The following ADGRL2 variants were observed in gnomAD, a reference collection of about 807,000 sequenced individuals.
ADGRL2 encodes calcium-independent alpha-latrotoxin receptor 2.
In ADGRL2, 44 loss-of-function variants were observed where a neutral mutation model predicts 157.4. The observed-to-expected ratio is 0.28, with a 90% CI of 0.22 to 0.36. The LOEUF (loss-of-function observed/expected upper bound fraction) is 0.36. Among genes scored for constraint, ADGRL2 ranks in the 10% least tolerant of loss-of-function variants. The probability of loss-of-function intolerance (pLI) is 1.00; values close to 1 mark genes in which losing one functional copy is unlikely to be tolerated. For missense variants in ADGRL2, 1,510 were observed against 1,768.9 expected (o/e 0.85, Z 2.63); for synonymous variants, 585 against 624.7 (o/e 0.94, Z 0.95).
intron 3 of ADGRL2, among the ~76,000 whole-genome samples, chr1:81,692,305 A>AAAAT (rs781277581): frequency 3.3e-5 from 5 of 152,130 alleles, no homozygotes; most frequent in South Asian, 2.1e-4. Context: ...TCTGTCTCAA[A>AAAAT]AAATAAATAA....
At chr1:81,397,109 C>G (rs892992045) in intron 1 of ADGRL2, among the ~76,000 whole-genome samples, 7 of 151,982 alleles carry the variant, frequency 4.6e-5, no homozygotes, top group Non-Finnish European at 1.0e-4. Flanking sequence ...AGGTCCTGTA[C>G]TTTTATTTTT....
intron 2 of ADGRL2, among the ~76,000 whole-genome samples, chr1:81,868,294 C>T (rs991334920): frequency 6.6e-6 from 1 of 152,096 alleles, no homozygotes; most frequent in Non-Finnish European, 1.5e-5. Flanking sequence ...GTATGTTCTA[C>T]AAAGGTGGTT....
In ADGRL2 at chr1:81,944,144, T is replaced by TGTTA. The variant is rs1648999136; in HGVS notation, c.1210+377_1210+380dup. Among the ~76,000 whole-genome samples, 3 of 152,164 alleles carry TGTTA rather than the reference T, an allele frequency of 2.0e-5. No homozygotes were observed. In the South Asian group the frequency reaches 6.2e-4, roughly 32 times the overall value. On this transcript the variant is annotated intron_variant, in intron 6 of 23. Transcript: ENST00000686636. The stretch of plus-strand genomic sequence containing the variant: ...GGCGCCAGTGGTTAAAGGAAACGTG[T>TGTTA]GTTAGGAAGTCCCAGGAGAATGGCT...
intron 1 of ADGRL2, among the ~76,000 whole-genome samples, chr1:81,406,965 T>G (rs1401372930): frequency 1.3e-5 from 2 of 152,200 alleles, no homozygotes; most frequent in Admixed American, 6.5e-5. Flanking sequence ...ATTTTTTTAT[T>G]TATTTGTTAT....
chr1:81,904,083 TTA>T (rs1212919973), intron 2 of ADGRL2, among the ~76,000 whole-genome samples: 2 of 152,128 alleles, frequency 1.3e-5, no homozygotes, highest in East Asian at 1.9e-4. Context: ...ACATTGCAAT[TTA>T]TGTTGTGTTA....
intron 3 of ADGRL2, among the ~76,000 whole-genome samples, chr1:81,910,510 T>C (rs913879307): frequency 6.6e-6 from 1 of 151,938 alleles, no homozygotes; most frequent in Admixed American, 6.6e-5. Flanking sequence ...TAAAGCTATA[T>C]AAATGATACC....
intron 1 of ADGRL2, among the ~76,000 whole-genome samples, chr1:81,400,748 A>T (rs926830783): frequency 2.2e-4 from 33 of 152,056 alleles, no homozygotes; most frequent in Non-Finnish European, 3.5e-4. Flanking sequence ...GGAGACAGGG[A>T]GCACCACAGC....
At chr1:81,485,628 A>G (rs943523498) in intron 2 of ADGRL2, among the ~76,000 whole-genome samples, 2 of 152,194 alleles carry the variant, frequency 1.3e-5, no homozygotes, top group Admixed American at 6.5e-5. Flanking sequence ...CCGTAGTGAA[A>G]TAATCAGTGC....
chr1:81,971,753 A>G (rs1658820066), intron 16 of ADGRL2, 99 bp from the exon 17 acceptor site: 3 of 630,010 alleles, frequency 4.8e-6, no homozygotes, highest in Non-Finnish European at 8.5e-6. Flanking sequence ...GGCAAATGTA[A>G]AGATAGTTTT....
intron 1 of ADGRL2, among the ~76,000 whole-genome samples, chr1:81,706,679 G>C (rs1297056276): frequency 6.6e-6 from 1 of 152,164 alleles, no homozygotes; most frequent in Non-Finnish European, 1.5e-5. Flanking sequence ...AAAGAGGAAA[G>C]AGACAGAAGT....
At chr1:81,787,227 C>T (rs1345380779) in intron 2 of ADGRL2, among the ~76,000 whole-genome samples, 2 of 152,088 alleles carry the variant, frequency 1.3e-5, no homozygotes, top group African/African-American at 4.8e-5. Context: ...TGAAAACAGA[C>T]TAATGCAGTC....
intron 17 of ADGRL2, among the ~76,000 whole-genome samples, chr1:81,972,648 C>A (rs913307114): frequency 6.6e-6 from 1 of 152,058 alleles, no homozygotes; most frequent in Admixed American, 6.6e-5. Context: ...TGGTGGCTCA[C>A]ACCTATAATC....
intron 1 of ADGRL2, among the ~76,000 whole-genome samples, chr1:81,351,406 C>T (rs1043992010): frequency 1.3e-5 from 2 of 151,912 alleles, no homozygotes; most frequent in African/African-American, 4.8e-5. Flanking sequence ...ACTTCCCACC[C>T]CGTGATGAAA....
At chr1:81,980,463 A>C (rs566625267) in intron 18 of ADGRL2, among the ~76,000 whole-genome samples, 1 of 151,894 alleles carries the variant, frequency 6.6e-6, no homozygotes, top group East Asian at 1.9e-4. Context: ...CTGTCAATGG[A>C]GAAAATGCTA....
At chr1:81,713,490 T>C (rs1370998836) in intron 1 of ADGRL2, among the ~76,000 whole-genome samples, 1 of 152,172 alleles carries the variant, frequency 6.6e-6, no homozygotes, top group Non-Finnish European at 1.5e-5. Flanking sequence ...TGGCCAATGA[T>C]AGTGATGATG....
intron 2 of ADGRL2, among the ~76,000 whole-genome samples, chr1:81,563,268 T>C (rs2080485087): frequency 6.6e-6 from 1 of 152,172 alleles, no homozygotes; most frequent in African/African-American, 2.4e-5. Context: ...ACTTAGATTA[T>C]TTTTGTGTCT....
At chr1:81,409,890 A>T (rs2076919291) in intron 1 of ADGRL2, among the ~76,000 whole-genome samples, 2 of 152,204 alleles carry the variant, frequency 1.3e-5, no homozygotes, top group African/African-American at 2.4e-5. Flanking sequence ...CTGCCCTTTT[A>T]GCCCCTGCCT....
chr1:81,807,315 C>T (rs2089288310), intron 1 of ADGRL2, among the ~76,000 whole-genome samples: 1 of 151,918 alleles, frequency 6.6e-6, no homozygotes. Flanking sequence ...AAATCATAGG[C>T]TAGTTTACTT....
At chr1:81,459,715 CAT>C (rs926330664) in intron 2 of ADGRL2, among the ~76,000 whole-genome samples, 42 of 151,428 alleles carry the variant, frequency 2.8e-4, no homozygotes, top group African/African-American at 8.5e-4. Context: ...CACACACACA[CAT>C]ATACACACAC....
Sources: gnomAD v4.1 joint callset for allele counts (sites outside exome capture counted in the v4.1 genomes callset) on GRCh38, gnomAD v4.1.1 for gene constraint, MANE v1.5 for transcripts, NCBI Gene and HGNC (gene_info 2026-07-23, HGNC 2026-07-21) for gene names.